The following CFAP299 variants were observed in gnomAD, a reference collection of about 807,000 sequenced individuals.
CFAP299 encodes the protein cilia- and flagella-associated protein 299.
Under a neutral mutation model 27.0 loss-of-function variants are expected in CFAP299, and 21 were observed. That is an observed-to-expected ratio of 0.78 (90% CI 0.55 to 1.12). The LOEUF (loss-of-function observed/expected upper bound fraction) is 1.12, where lower values mean the gene tolerates loss of function less well. CFAP299 is among the 50% of genes most tolerant of loss of function. The pLI is 0.00. For synonymous variants in CFAP299, 104 were observed against 98.1 expected (o/e 1.06, Z -0.36); for missense variants, 310 against 276.6 (o/e 1.12, Z -0.86).
intron 1 of CFAP299, among the ~76,000 whole-genome samples, chr4:80,336,845 A>G (rs977939572): frequency 4.6e-5 from 7 of 152,224 alleles, no homozygotes; most frequent in Non-Finnish European, 1.0e-4. Context: ...AAGCCACATC[A>G]GTCTGGGAAG....
intron 3 of CFAP299, among the ~76,000 whole-genome samples, chr4:80,673,061 G>A (rs1217358167): frequency 6.6e-6 from 1 of 150,962 alleles, no homozygotes; most frequent in African/African-American, 2.4e-5. Flanking sequence ...GCTTTTGAAT[G>A]TGTTTGCTCT....
intron 4 of CFAP299, among the ~76,000 whole-genome samples, chr4:80,894,731 A>G (rs1213854607): frequency 6.6e-6 from 1 of 151,872 alleles, no homozygotes; most frequent in Non-Finnish European, 1.5e-5. Context: ...AAATATTTGA[A>G]CTCCTATGTT....
chr4:80,679,492 G>T (rs992734714), intron 3 of CFAP299, among the ~76,000 whole-genome samples: 1 of 151,860 alleles, frequency 6.6e-6, no homozygotes, highest in Non-Finnish European at 1.5e-5. Flanking sequence ...TATAAAAAGC[G>T]GCCAAACTAT....
chr4:80,563,584 C>A (rs1208154487), intron 2 of CFAP299, among the ~76,000 whole-genome samples: 1 of 151,380 alleles, frequency 6.6e-6, no homozygotes, highest in African/African-American at 2.4e-5. Flanking sequence ...TAAGTGCCTA[C>A]ATAACAAAAG....
At chr4:80,704,695 T>G (rs764628354) in intron 3 of CFAP299, among the ~76,000 whole-genome samples, 4 of 151,794 alleles carry the variant, frequency 2.6e-5, no homozygotes, top group African/African-American at 9.7e-5. Flanking sequence ...TTAATTATAA[T>G]AAAATGAATA....
intron 2 of CFAP299, among the ~76,000 whole-genome samples, chr4:80,567,097 C>T (rs1374012479): frequency 1.3e-5 from 2 of 151,966 alleles, no homozygotes; most frequent in African/African-American, 2.4e-5. Context: ...TGAAGACTCC[C>T]ACTTGGATCT....
intron 2 of CFAP299, among the ~76,000 whole-genome samples, chr4:80,581,410 A>C (rs1265296822): frequency 7.0e-6 from 1 of 143,714 alleles, no homozygotes; most frequent in Non-Finnish European, 1.5e-5. Flanking sequence ...ATGTATATTT[A>C]GGTTTTTTAT....
intron 2 of CFAP299, among the ~76,000 whole-genome samples, chr4:80,544,500 C>A (rs1391787300): frequency 6.6e-6 from 1 of 152,068 alleles, no homozygotes; most frequent in Non-Finnish European, 1.5e-5. Context: ...CATCCTTAGG[C>A]TGAAAGTAAA....
At chr4:80,877,844 C>G (rs977402836) in intron 4 of CFAP299, among the ~76,000 whole-genome samples, 1 of 152,144 alleles carries the variant, frequency 6.6e-6, no homozygotes, top group African/African-American at 2.4e-5. Context: ...ACAACCTAGA[C>G]AAAACAATTG....
chr4:80,614,786 A>C (rs1738188377), intron 3 of CFAP299, among the ~76,000 whole-genome samples: 3 of 152,246 alleles, frequency 2.0e-5, no homozygotes. Flanking sequence ...TTTTGTAAAA[A>C]CAATGCTTAC....
intron 3 of CFAP299, among the ~76,000 whole-genome samples, chr4:80,816,824 C>T (rs1235900079): frequency 2.0e-5 from 3 of 152,016 alleles, no homozygotes; most frequent in Non-Finnish European, 4.4e-5. Flanking sequence ...TACGCTGCCA[C>T]TAACGATAGC....
At chr4:80,397,432 T>C (rs1243200714) in intron 2 of CFAP299, among the ~76,000 whole-genome samples, 3 of 152,178 alleles carry the variant, frequency 2.0e-5, no homozygotes, top group Non-Finnish European at 4.4e-5. Context: ...AGCTTTTGAA[T>C]GTGTTTGCTC....
intron 2 of CFAP299, among the ~76,000 whole-genome samples, chr4:80,404,370 T>A (rs1399831117): frequency 6.6e-6 from 1 of 152,162 alleles, no homozygotes; most frequent in African/African-American, 2.4e-5. Context: ...GTGCACCCTA[T>A]CTCTGGAGCT....
At chr4:80,856,189 C>G (rs1366060799) in intron 3 of CFAP299, among the ~76,000 whole-genome samples, 33 of 151,426 alleles carry the variant, frequency 2.2e-4, no homozygotes, top group East Asian at 1.7e-3. Context: ...GTGTTTTTTG[C>G]CTGCATAAAT....
intron 1 of CFAP299, among the ~76,000 whole-genome samples, chr4:80,348,306 T>A (rs1035720040): frequency 2.0e-5 from 3 of 151,942 alleles, no homozygotes; most frequent in Non-Finnish European, 2.9e-5. Context: ...TGGGATCTCA[T>A]TAAAGAGCTT....
At chr4:80,737,739 AAAAAAGAAGAAAAAAATT>A (rs1462211183) in intron 3 of CFAP299, among the ~76,000 whole-genome samples, 1 of 152,098 alleles carries the variant, frequency 6.6e-6, no homozygotes, top group Non-Finnish European at 1.5e-5. Flanking sequence ...TAAACAAACA[AAAAAAGAAGAAAAAAATT>A]AAAAAGAAGA....
chr4:80,811,663 T>C (rs987636350), intron 3 of CFAP299, among the ~76,000 whole-genome samples: 51 of 152,244 alleles, frequency 3.3e-4, no homozygotes, highest in African/African-American at 1.2e-3. Context: ...GTATCTGCTT[T>C]GTGTTCAAAG....
At position 80,339,463 on chromosome 4, in the gene CFAP299, G is replaced by A. The variant is rs548302984; in HGVS notation, c.111+3584G>A. ...AACTTTTTACATAATGCTTGCTTAG[G>A]AAGAAAGAGAAATGTGGAAAAAAGG... On this transcript the variant is annotated intron_variant, in intron 1 of 5. Coordinates refer to ENST00000358105, the MANE Select transcript of CFAP299 (RefSeq NM_152770.3). Among the ~76,000 whole-genome samples the A allele has an allele frequency of 7.9e-5, 12 of 152,286 alleles. No homozygotes were observed. In the East Asian group the frequency reaches 1.7e-3, roughly 22 times the overall value.
chr4:80,902,586 T>TACGCAC, intron 4 of CFAP299, among the ~76,000 whole-genome samples: 1 of 126,698 alleles, frequency 7.9e-6, no homozygotes, highest in Non-Finnish European at 1.6e-5. Flanking sequence ...ATGTAATATA[T>TACGCAC]ACACACACAC....
Sources: gnomAD v4.1 joint callset for allele counts (sites outside exome capture counted in the v4.1 genomes callset) on GRCh38, gnomAD v4.1.1 for gene constraint, MANE v1.5 for transcripts, NCBI Gene and HGNC (gene_info 2026-07-23, HGNC 2026-07-21) for gene names.